Variants in KIF6 observed in about 807,000 individuals in gnomAD.
KIF6 encodes the protein kinesin-like protein KIF6.
KIF6 carries 106 observed loss-of-function variants against 112.7 expected under a neutral mutation model. That is an observed-to-expected ratio of 0.94 (90% CI 0.80 to 1.11). The LOEUF is 1.11. KIF6 is among the 50% of genes least tolerant of loss of function. KIF6 has a pLI of 0.00. For missense variants in KIF6, 929 were observed against 964.0 expected, an observed-to-expected ratio of 0.96 and a Z score of 0.48; for synonymous variants, 339 against 339.9, an observed-to-expected ratio of 1.00 and a Z score of 0.03.
intron 19 of KIF6, among the ~76,000 whole-genome samples, chr6:39,356,009 G>C (rs945173193): frequency 4.6e-5 from 7 of 151,330 alleles, no homozygotes; most frequent in African/African-American, 1.5e-4. Flanking sequence ...TTCTGTTCCA[G>C]GCTCCCACCC....
chr6:39,590,453 T>TATATA (rs1781885450), intron 7 of KIF6, among the ~76,000 whole-genome samples: 1 of 119,362 alleles, frequency 8.4e-6, no homozygotes, highest in Non-Finnish European at 1.7e-5. Context: ...ATATATATAT[T>TATATA]TTTTTTTTTT....
intron 7 of KIF6, among the ~76,000 whole-genome samples, chr6:39,589,034 GTCCATCCCTGTTCGA>G (rs1395729292): frequency 6.6e-6 from 1 of 152,098 alleles, no homozygotes. Context: ...CTCCTGTGTG[GTCCATCCCTGTTCGA>G]CTTATCTGAC....
chr6:39,440,212 G>A (rs80016654), intron 13 of KIF6, among the ~76,000 whole-genome samples: 1,534 of 152,092 alleles, frequency 0.01, 22 homozygotes, highest in African/African-American at 0.034. Context: ...AGAGCTGGGT[G>A]GGGAGCATGT....
chr6:39,694,856 G>A (rs1788431523), intron 3 of KIF6, among the ~76,000 whole-genome samples: 1 of 151,942 alleles, frequency 6.6e-6, no homozygotes, highest in South Asian at 2.1e-4. Context: ...AGCTCAAAGA[G>A]TCAAAACAAT....
At chr6:39,443,149 ATAATAAT>A (rs1772048086) in intron 13 of KIF6, among the ~76,000 whole-genome samples, 4 of 137,730 alleles carry the variant, frequency 2.9e-5, no homozygotes, top group Admixed American at 8.9e-5. Flanking sequence ...AATAATAATA[ATAATAAT>A]AATAAATAAA....
intron 15 of KIF6, among the ~76,000 whole-genome samples, chr6:39,395,946 T>C (rs1219462701): frequency 1.3e-5 from 2 of 152,196 alleles, no homozygotes; most frequent in African/African-American, 4.8e-5. Flanking sequence ...GGCTCTTTGA[T>C]ATAAATAATC....
intron 15 of KIF6, among the ~76,000 whole-genome samples, chr6:39,401,046 A>G (rs1036306411): frequency 6.6e-6 from 1 of 152,260 alleles, no homozygotes. Context: ...GAAATCACCA[A>G]TGATGATAAT....
chr6:39,344,769 C>G (rs899020029), intron 21 of KIF6, among the ~76,000 whole-genome samples: 2 of 152,218 alleles, frequency 1.3e-5, no homozygotes, highest in Admixed American at 6.5e-5. Flanking sequence ...TCATTCCCCA[C>G]GTGGCTTAGC....
intron 13 of KIF6, among the ~76,000 whole-genome samples, chr6:39,514,909 T>A (rs1372323204): frequency 6.6e-6 from 1 of 152,220 alleles, no homozygotes; most frequent in African/African-American, 2.4e-5. Flanking sequence ...CCAGCATTGT[T>A]TTCACTGATG....
chr6:39,598,059 T>C (rs1782370425), intron 6 of KIF6, among the ~76,000 whole-genome samples: 1 of 152,016 alleles, frequency 6.6e-6, no homozygotes, highest in Non-Finnish European at 1.5e-5. Flanking sequence ...TGGTGGGGCA[T>C]GCCTGTAATC....
At chr6:39,474,999 C>T (rs1774339442) in intron 13 of KIF6, among the ~76,000 whole-genome samples, 2 of 152,200 alleles carry the variant, frequency 1.3e-5, no homozygotes. Flanking sequence ...GCATAATGTT[C>T]TTTCTCTTGC....
chr6:39,394,147 G>C (rs1404001723), intron 15 of KIF6, among the ~76,000 whole-genome samples: 1 of 152,192 alleles, frequency 6.6e-6, no homozygotes, highest in Admixed American at 6.5e-5. Context: ...TGGAAGTGGG[G>C]TGGAGAGTGA....
intron 1 of KIF6, among the ~76,000 whole-genome samples, chr6:39,721,276 G>A (rs1463492357): frequency 1.3e-5 from 2 of 152,164 alleles, no homozygotes; most frequent in South Asian, 4.1e-4. Context: ...TCTAATTCAA[G>A]TTATGTTCAA....
chr6:39,429,870 T>A (rs1415946402), intron 14 of KIF6, among the ~76,000 whole-genome samples: 1 of 151,800 alleles, frequency 6.6e-6, no homozygotes, highest in Non-Finnish European at 1.5e-5. Flanking sequence ...ATCACACCAC[T>A]GCACTCCAGG....
At chr6:39,669,128 A>C (rs1786656438) in intron 3 of KIF6, among the ~76,000 whole-genome samples, 1 of 152,226 alleles carries the variant, frequency 6.6e-6, no homozygotes, top group Admixed American at 6.5e-5. Flanking sequence ...GCAGAGTTGC[A>C]AAAACAGACT....
intron 13 of KIF6, among the ~76,000 whole-genome samples, chr6:39,477,050 T>C (rs1019465908): frequency 1.3e-5 from 2 of 152,178 alleles, no homozygotes; most frequent in African/African-American, 4.8e-5. Flanking sequence ...GATACAGAAA[T>C]GATGAAGTCA....
chr6:39,415,301 TAAA>T (rs5875672), intron 15 of KIF6, among the ~76,000 whole-genome samples: 32 of 89,454 alleles, frequency 3.6e-4, no homozygotes, highest in East Asian at 7.3e-4. Context: ...TTTTAAAATG[TAAA>T]AAAAAAAAAA....
At chr6:39,627,392 T>C (rs993671394) in intron 5 of KIF6, among the ~76,000 whole-genome samples, 2 of 152,148 alleles carry the variant, frequency 1.3e-5, no homozygotes, top group Non-Finnish European at 2.9e-5. Context: ...ACTAGCTTTA[T>C]CCTCTCTGCT....
intron 16 of KIF6, among the ~76,000 whole-genome samples, chr6:39,371,288 G>A (rs1022649411): frequency 6.6e-6 from 1 of 152,018 alleles, no homozygotes; most frequent in Non-Finnish European, 1.5e-5. Context: ...ACCTGGAGGC[G>A]GGCAACCTGG....
Sources: gnomAD v4.1 joint callset for allele counts (sites outside exome capture counted in the v4.1 genomes callset) on GRCh38, gnomAD v4.1.1 for gene constraint, MANE v1.5 for transcripts, NCBI Gene and HGNC (gene_info 2026-07-23, HGNC 2026-07-21) for gene names.